The following KLHL6 variants were observed in gnomAD, a reference collection of about 807,000 sequenced individuals.
The protein encoded by KLHL6 is kelch like family member 6, also known as kelch-like protein 6.
A neutral mutation model predicts 58.6 loss-of-function variants in KLHL6; 41 were observed. The observed-to-expected ratio is 0.70, with a 90% CI of 0.55 to 0.91. The LOEUF (loss-of-function observed/expected upper bound fraction) is 0.91. Among genes scored for constraint, KLHL6 ranks in the 40% least tolerant of loss-of-function variants. The probability of loss-of-function intolerance (pLI) is 0.00; values close to 1 mark genes in which losing one functional copy is unlikely to be tolerated. For synonymous variants in KLHL6, 338 were observed against 322.7 expected (o/e 1.05, Z -0.51); for missense variants, 714 against 805.6 (o/e 0.89, Z 1.38).
At chr3:183,537,862 CCTAT>C (rs1178289210) in intron 1 of KLHL6, among the ~76,000 whole-genome samples, 3 of 152,182 alleles carry the variant, frequency 2.0e-5, no homozygotes, top group East Asian at 1.9e-4. Flanking sequence ...AATTAGATTA[CCTAT>C]CTATTTGTTA....
chr3:183,513,787 T>C (rs1718254476), intron 2 of KLHL6, among the ~76,000 whole-genome samples: 1 of 152,156 alleles, frequency 6.6e-6, no homozygotes, highest in African/African-American at 2.4e-5. Context: ...ACGTGTGCCA[T>C]GGTTTGCTGC....
chr3:183,513,257 A>C (rs1402428171), intron 2 of KLHL6, among the ~76,000 whole-genome samples: 1 of 152,248 alleles, frequency 6.6e-6, no homozygotes, highest in Non-Finnish European at 1.5e-5. Flanking sequence ...CCACAATGCC[A>C]TGAAAAGGGT....
intron 3 of KLHL6, among the ~76,000 whole-genome samples, chr3:183,502,194 C>A (rs1225290961): frequency 1.3e-5 from 2 of 151,684 alleles, no homozygotes; most frequent in East Asian, 1.9e-4. Context: ...CCTAGCTACT[C>A]GGGAGGCTGA....
At chr3:183,528,138 G>GAACAGAGAGCCACCA in intron 1 of KLHL6, 128 bp from the exon 2 acceptor site, 1 of 982,058 alleles carries the variant, frequency 1.0e-6, no homozygotes, top group Non-Finnish European at 1.5e-6. Context: ...CTGGGCTGGT[G>GAACAGAGAGCCACCA]GCTCTCTGTT....
At chr3:183,542,564 C>T (rs561389397) in intron 1 of KLHL6, among the ~76,000 whole-genome samples, 9 of 152,160 alleles carry the variant, frequency 5.9e-5, no homozygotes, top group Admixed American at 5.9e-4. Flanking sequence ...TGCCAGGAAG[C>T]CTTCTCAGAC....
chr3:183,550,549 A>G (rs1712876750), intron 1 of KLHL6, among the ~76,000 whole-genome samples: 1 of 152,008 alleles, frequency 6.6e-6, no homozygotes, highest in Non-Finnish European at 1.5e-5. Flanking sequence ...AATCCCAGCA[A>G]TTTGGGAGGC....
intron 1 of KLHL6, among the ~76,000 whole-genome samples, chr3:183,554,484 G>C (rs527427410): frequency 6.6e-6 from 1 of 152,274 alleles, no homozygotes; most frequent in African/African-American, 2.4e-5. Flanking sequence ...TCACTGTCAA[G>C]AAGGAACCAA....
chr3:183,542,851 G>C (rs931332288), intron 1 of KLHL6, among the ~76,000 whole-genome samples: 2 of 140,928 alleles, frequency 1.4e-5, no homozygotes, highest in Non-Finnish European at 3.1e-5. Context: ...CAAATGGATG[G>C]ATACATGGAT....
intron 1 of KLHL6, among the ~76,000 whole-genome samples, chr3:183,531,551 G>A (rs1047913917): frequency 2.1e-5 from 3 of 142,948 alleles, no homozygotes; most frequent in Admixed American, 7.3e-5. Context: ...CCGGGTTCAC[G>A]CCATTCTCCT....
intron 1 of KLHL6, among the ~76,000 whole-genome samples, chr3:183,541,358 G>C (rs1248327996): frequency 6.6e-6 from 1 of 152,224 alleles, no homozygotes; most frequent in African/African-American, 2.4e-5. Flanking sequence ...ATGGGGAGCA[G>C]TTATGAATCT....
At chr3:183,509,741 C>T (rs1718124381) in intron 2 of KLHL6, among the ~76,000 whole-genome samples, 2 of 152,128 alleles carry the variant, frequency 1.3e-5, no homozygotes, top group South Asian at 4.1e-4. Context: ...TATCCATTTA[C>T]ACAAAACCGT....
chr3:183,529,444 T>A (rs1375946414), intron 1 of KLHL6, among the ~76,000 whole-genome samples: 2 of 152,224 alleles, frequency 1.3e-5, no homozygotes, highest in East Asian at 3.8e-4. Context: ...CAATTTTATT[T>A]ATTTTTAAAA....
chr3:183,547,775 T>A (rs1164434420), intron 1 of KLHL6, among the ~76,000 whole-genome samples: 1 of 152,208 alleles, frequency 6.6e-6, no homozygotes, highest in Non-Finnish European at 1.5e-5. Context: ...GTAGATAGCA[T>A]GGTGTCCATT....
chr3:183,514,876 G>T (rs559482898), intron 2 of KLHL6, among the ~76,000 whole-genome samples: 6 of 151,956 alleles, frequency 3.9e-5, no homozygotes, highest in African/African-American at 1.5e-4. Context: ...CACCATGTTG[G>T]CCATTCTGGT....
At chr3:183,540,778 T>C (rs767053043) in intron 1 of KLHL6, among the ~76,000 whole-genome samples, 14 of 152,212 alleles carry the variant, frequency 9.2e-5, no homozygotes, top group Non-Finnish European at 1.8e-4. Context: ...TTTACCTTTG[T>C]CTGCTTTTGT....
rs1224450261 is a variant in KLHL6 at position 183,508,232 on chromosome 3, T to G, written c.736A>C (p.Lys246Gln). Residue 246 changes from lysine (K) to glutamine (Q), a missense_variant, in exon 3 of 7, where the codon AAG becomes CAG. Around this residue, in one of 2 missense-constraint regions of KLHL6, gnomAD observed 510 missense variants for 629.7 expected, o/e 0.81. Transcript: ENST00000341319. The part of the protein sequence containing the change: ...FETVMSWVRH[K>Q]PSERLCLLPY... ...AGTAAGCAGAGTCGTTCTGATGGCT[T>G]GTGCCGGACCCAGCTCATCACGGTC... 6.2e-7 allele frequency: 1 copy of G among 1,614,184 alleles called. No homozygotes were observed. Among genetic ancestry groups the G allele is most frequent in the Admixed American group, 1.7e-5 (1 of 60,026 alleles).
intron 4 of KLHL6, among the ~76,000 whole-genome samples, chr3:183,495,226 T>C (rs763766954): frequency 7.9e-5 from 12 of 152,236 alleles, no homozygotes; most frequent in Non-Finnish European, 1.8e-4. Context: ...TTTTTATAGG[T>C]GCAGCCAAGG....
In KLHL6 at chr3:183,512,773, G is replaced by A. The variant is rs564637225; in HGVS notation, c.460-4265C>T. Among the ~76,000 whole-genome samples, 122 of 152,104 alleles carry A rather than the reference G, an allele frequency of 8.0e-4. 1 individual carries two copies. Among genetic ancestry groups the A allele is most frequent in the Middle Eastern group, 3.4e-3 (1 of 294 alleles). The stretch of plus-strand genomic sequence containing the variant: ...CCCAAAGTGTTGGCATTACAGGCAT[G>A]AGCCACCAGGCCGGGACTATGATCC... On this transcript the variant is annotated intron_variant, in intron 2 of 6. Transcript: ENST00000341319.
chr3:183,545,720 A>G (rs770380155), intron 1 of KLHL6, among the ~76,000 whole-genome samples: 2 of 152,218 alleles, frequency 1.3e-5, no homozygotes, highest in Non-Finnish European at 2.9e-5. Flanking sequence ...GAACTGCAAG[A>G]GTCACATTGT....
Sources: allele counts gnomAD v4.1 joint callset (sites outside exome capture counted in the v4.1 genomes callset), GRCh38; gene constraint gnomAD v4.1.1; regional missense constraint gnomAD v4.1.1; transcripts MANE v1.5; gene names NCBI Gene and HGNC (gene_info 2026-07-23, HGNC 2026-07-21).